SHISAL1: variants seen among roughly 807,000 people sequenced by gnomAD.
SHISAL1 encodes the protein protein shisa-like-1.
In SHISAL1, 9 loss-of-function variants were observed where a neutral mutation model predicts 22.6. The observed-to-expected ratio is 0.40, with a 90% CI of 0.24 to 0.70. The LOEUF is 0.70. Ranked by LOEUF, SHISAL1 falls within the 30% of genes least tolerant of loss-of-function variation. The pLI, the probability that SHISAL1 is intolerant of heterozygous loss-of-function variation, is 0.39. For synonymous variants in SHISAL1, 119 were observed against 115.4 expected, an observed-to-expected ratio of 1.03 and a Z score of -0.20; for missense variants, 246 against 270.6, an observed-to-expected ratio of 0.91 and a Z score of 0.64.
At chr22:44,313,682 C>A (rs1370383550), upstream of SHISAL1, among the ~76,000 whole-genome samples, 2 of 152,160 alleles carry the variant, frequency 1.3e-5, no homozygotes, top group Non-Finnish European at 2.9e-5. Flanking sequence ...GGCACCCCCC[C>A]AGCCCATGGC....
chr22:44,322,035 A>G, the SHISAL1 span, among the ~76,000 whole-genome samples: 2 of 152,170 alleles, frequency 1.3e-5, no homozygotes, highest in African/African-American at 4.8e-5. Context: ...CTGAGGCCCC[A>G]CACCAGCACC....
At position 44,270,187 on chromosome 22, in the gene SHISAL1, C is replaced by T. The variant is rs141120958; in HGVS notation, c.599+15241G>A. On this transcript the variant is annotated intron_variant, in intron 4 of 4. Coordinates refer to ENST00000381176, the MANE Select transcript of SHISAL1 (RefSeq NM_001099294.2). ...TCGCTGGCTCCATATTTCCCTTAAA[C>T]GAATGGAACCACTCTCTCCTATCTC... Among the ~76,000 whole-genome samples the T allele has an allele frequency of 1.4e-4, 21 of 152,314 alleles. No individual in the cohort carries two copies. In the East Asian group the frequency reaches 2.1e-3, roughly 15 times the overall value.
In SHISAL1 at chr22:44,247,507, G is replaced by C. The variant is rs2055011842; in HGVS notation, c.*2178C>G. On this transcript the variant is annotated 3_prime_UTR_variant, in exon 5 of 5. Transcript: ENST00000381176. ...CTTTCTCCAATCGAGACCCCAAGCA[G>C]AGGTTCTCCCACTTTGCCAAGCCAT... 6.6e-6 allele frequency: 1 copy of C among 152,448 alleles called. No individual in the cohort carries two copies. Among genetic ancestry groups the C allele is most frequent in the South Asian group, 2.1e-4 (1 of 4,832 alleles). The allele number at this position is 152,448 out of a possible 1,614,324, so 9.4% of individuals were successfully genotyped here. A position where few individuals can be genotyped will look rare whatever the true frequency, so the allele number is the denominator to read the frequency against.
the SHISAL1 span, among the ~76,000 whole-genome samples, chr22:44,331,375 C>T: frequency 6.6e-6 from 1 of 151,324 alleles, no homozygotes; most frequent in Non-Finnish European, 1.5e-5. This position sits in a 1 kb window ranked among gnomAD's most constrained non-coding sequence, Gnocchi z 5.2. Flanking sequence ...CCCACTCGCC[C>T]AGACCCTCCT....
chr22:44,249,967 G>A lies in SHISAL1; in HGVS notation c.*-282C>T, dbSNP rs576198179. ...AGAACCAAAATTACAGTTAATTGTGGATAACTTACATAGAAAATTTAACAG... is the reference window on the plus strand; with the variant it reads ...AGAACCAAAATTACAGTTAATTGTGAATAACTTACATAGAAAATTTAACAG... On this transcript the variant is annotated intron_variant, in intron 4 of 4. Transcript: ENST00000381176. Among the ~76,000 whole-genome samples the A allele has an allele frequency of 4.6e-5, 7 of 152,308 alleles. No individual in the cohort carries two copies. The East Asian group carries it at 1.3e-3, about 29-fold the overall frequency.
the SHISAL1 span, among the ~76,000 whole-genome samples, chr22:44,318,643 G>A: frequency 6.6e-6 from 1 of 152,242 alleles, no homozygotes; most frequent in Non-Finnish European, 1.5e-5. Context: ...ATGAGATGAT[G>A]TATGTGAAAC....
Position 44,296,869 on chromosome 22 carries a change from G to A in SHISAL1, c.84C>T (p.Phe28=), listed in dbSNP as rs758566309. ...LLFSAVLSAH[F]RVCEPYTDHK... is the part of the protein sequence containing the mutation. ...GGTCTGTGTATGGTTCACAGACCCG[G>A]AAATGTGCAGACAAGACTGGAAGAC... Residue 28 remains phenylalanine (F), a synonymous_variant, in exon 3 of 5, where the codon TTC becomes TTT. Transcript: ENST00000381176. 1.9e-6 allele frequency: 3 copies of A among 1,612,246 alleles called. No individual in the cohort carries two copies. The highest frequency in any genetic ancestry group is 3.3e-5 in the Admixed American group (2 of 60,006).
intron 4 of SHISAL1, among the ~76,000 whole-genome samples, chr22:44,262,000 C>G (rs1321162153): frequency 8.6e-6 from 1 of 115,980 alleles, no homozygotes; most frequent in South Asian, 3.0e-4. Flanking sequence ...GCTGGGGGCT[C>G]AGAACTGAGT....
chr22:44,306,883 G>A (rs550168380), intron 1 of SHISAL1, among the ~76,000 whole-genome samples: 55 of 141,150 alleles, frequency 3.9e-4, no homozygotes, highest in Non-Finnish European at 6.6e-4. Flanking sequence ...ACCTGGGCTC[G>A]GGGAGGTGTG....
upstream of SHISAL1, among the ~76,000 whole-genome samples, chr22:44,313,679 C>T (rs969457030): frequency 2.0e-5 from 3 of 152,140 alleles, no homozygotes; most frequent in Admixed American, 6.5e-5. Context: ...CCAGGCACCC[C>T]CCCAGCCCAT....
chr22:44,324,913 C>T, the SHISAL1 span, among the ~76,000 whole-genome samples: 1 of 152,286 alleles, frequency 6.6e-6, no homozygotes, highest in South Asian at 2.1e-4. Context: ...CACTCCAGCC[C>T]AGCGCCCAGA....
the SHISAL1 span, among the ~76,000 whole-genome samples, chr22:44,325,241 T>C: frequency 3.1e-5 from 4 of 129,222 alleles, no homozygotes; most frequent in African/African-American, 1.3e-4. Flanking sequence ...AGACTCCGTC[T>C]CAAAAGAAAA....
rs1360983176 is a variant in SHISAL1, at chr22:44,247,424, A to AC, written c.*2260dup. 5 of 152,160 alleles carry AC rather than the reference A, an allele frequency of 3.3e-5. No individual in the cohort carries two copies. The highest frequency in any genetic ancestry group is 5.9e-5 in the Non-Finnish European group (4 of 68,102). The allele number at this position is 152,160 out of a possible 1,614,324, so 9.4% of individuals were successfully genotyped here. On this transcript the variant is annotated 3_prime_UTR_variant, in exon 5 of 5. Coordinates refer to ENST00000381176, the MANE Select transcript of SHISAL1 (RefSeq NM_001099294.2). ...AGCTGGGCTAGTGGACAGGCTGTGC[A>AC]CCCCCTTACGGCAACATGGCCCTGG...
chr22:44,319,040 C>T, the SHISAL1 span, among the ~76,000 whole-genome samples: 3 of 152,268 alleles, frequency 2.0e-5, no homozygotes, highest in African/African-American at 7.2e-5. Context: ...ACCATGGCTT[C>T]GCCTCTCATT....
intron 4 of SHISAL1, among the ~76,000 whole-genome samples, chr22:44,264,400 T>C (rs895010740): frequency 6.6e-6 from 1 of 152,178 alleles, no homozygotes; most frequent in African/African-American, 2.4e-5. Context: ...GCCTGGCATA[T>C]GGGAGAGCTT....
Position 44,245,567 on chromosome 22 carries a change from T to G in SHISAL1, c.*4118A>C, listed in dbSNP as rs1410865022. On this transcript the variant is annotated 3_prime_UTR_variant, in exon 5 of 5. Coordinates refer to ENST00000381176, the MANE Select transcript of SHISAL1 (RefSeq NM_001099294.2). Reference sequence around the variant, plus strand: ...CCGTCTCCTTGAATGGCACAGTCTCTAATAGACAGACATGGTGATTGTGAA... The same window carrying G: ...CCGTCTCCTTGAATGGCACAGTCTCGAATAGACAGACATGGTGATTGTGAA... 1 of 152,298 alleles carries G rather than the reference T, an allele frequency of 6.6e-6. No individual in the cohort carries two copies. The highest frequency in any genetic ancestry group is 1.5e-5 in the Non-Finnish European group (1 of 68,110). 9.4% of individuals were successfully genotyped at this position (152,298 alleles called of 1,614,324 possible). A position where few individuals can be genotyped will look rare whatever the true frequency, so the allele number is the denominator to read the frequency against.
In SHISAL1 at chr22:44,310,709, G is replaced by A. The variant is rs973073946; in HGVS notation, c.-33+2042C>T. 2.0e-5 allele frequency among the ~76,000 whole-genome samples: 3 copies of A among 152,100 alleles called. No individual in the cohort carries two copies. The highest frequency in any genetic ancestry group is 3.2e-3 in the Middle Eastern group (1 of 316). On this transcript the variant is annotated intron_variant, in intron 1 of 4. Transcript: ENST00000381176. This position sits in a 1 kb window ranked among gnomAD's most constrained non-coding sequence, Gnocchi z 4.0. ...CCAGAGAGGGTCCTGTGTGCCCCTTGGCAAATGAAATTGTGTTTGAACTCC... is the reference window on the plus strand; with the variant it reads ...CCAGAGAGGGTCCTGTGTGCCCCTTAGCAAATGAAATTGTGTTTGAACTCC...
chr22:44,272,658 C>T (rs1411374751), intron 4 of SHISAL1, among the ~76,000 whole-genome samples: 1 of 152,200 alleles, frequency 6.6e-6, no homozygotes, highest in Non-Finnish European at 1.5e-5. Context: ...CTTTCTGCCT[C>T]CTCATCTGCC....
rs778649928 is a variant in SHISAL1 at position 44,285,688 on chromosome 22, C to T, written c.339G>A (p.Leu113=). The change falls in exon 4 of 5, where the codon CTG becomes CTA. Residue 113 remains leucine (L), a synonymous_variant. Transcript: ENST00000381176. ...CCGAGTAATACAAAAGGTCCAGAACCAGCAGCATCAACACGAAAAATCCAT... is the reference window on the plus strand; with the variant it reads ...CCGAGTAATACAAAAGGTCCAGAACTAGCAGCATCAACACGAAAAATCCAT... ...WIYGFFVLML[L]VLDLLYYSAM... 6.2e-6 allele frequency: 10 copies of T among 1,614,050 alleles called. No homozygotes were observed. Among genetic ancestry groups the T allele is most frequent in the South Asian group, 5.5e-5 (5 of 91,090 alleles).
Sources: gnomAD v4.1 joint callset for allele counts (sites outside exome capture counted in the v4.1 genomes callset) on GRCh38, gnomAD v4.1.1 for gene constraint, Gnocchi (gnomAD v3.1) non-coding constraint, MANE v1.5 for transcripts, NCBI Gene and HGNC (gene_info 2026-07-23, HGNC 2026-07-21) for gene names.